The following SMG6 variants were observed in gnomAD, a reference collection of about 807,000 sequenced individuals.
The protein encoded by SMG6 is SMG6 nonsense mediated mRNA decay factor.
SMG6 carries 66 observed loss-of-function variants against 142.2 expected under a neutral mutation model. The observed-to-expected ratio is 0.46, with a 90% CI of 0.38 to 0.57. The LOEUF (loss-of-function observed/expected upper bound fraction) is 0.57, where lower values mean the gene tolerates loss of function less well. SMG6 is among the 20% of genes least tolerant of loss of function. SMG6 has a pLI of 0.00. For synonymous variants in SMG6, 779 were observed against 702.4 expected, an observed-to-expected ratio of 1.11 and a Z score of -1.72; for missense variants, 1,793 against 1,832.0, an observed-to-expected ratio of 0.98 and a Z score of 0.39.
intron 10 of SMG6, among the ~76,000 whole-genome samples, chr17:2,212,922 C>T (rs907049220): frequency 6.6e-6 from 1 of 152,236 alleles, no homozygotes; most frequent in Non-Finnish European, 1.5e-5. Flanking sequence ...TTGGCGCTGC[C>T]TCACGAAGCC....
chr17:2,193,749 G>A (rs2072235521), intron 10 of SMG6, among the ~76,000 whole-genome samples: 2 of 152,206 alleles, frequency 1.3e-5, no homozygotes, highest in Admixed American at 6.5e-5. Flanking sequence ...ATATCATAAG[G>A]AAGATGGAAG....
intron 13 of SMG6, among the ~76,000 whole-genome samples, chr17:2,099,578 T>C (rs977699895): frequency 2.6e-5 from 4 of 152,014 alleles, no homozygotes; most frequent in Non-Finnish European, 4.4e-5. Context: ...TGGGCTGAGG[T>C]AGAAAGCCAT....
chr17:2,166,041 G>T (rs569229639), intron 13 of SMG6, among the ~76,000 whole-genome samples: 1 of 152,016 alleles, frequency 6.6e-6, no homozygotes, highest in African/African-American at 2.4e-5. Flanking sequence ...GCAAAACCCC[G>T]TCTCTACTAA....
chr17:2,163,920 G>A (rs1265094891), intron 13 of SMG6, among the ~76,000 whole-genome samples: 2 of 151,800 alleles, frequency 1.3e-5, no homozygotes, highest in Non-Finnish European at 1.5e-5. Context: ...AAAATTAGCC[G>A]GTGTGGTGGC....
intron 13 of SMG6, among the ~76,000 whole-genome samples, chr17:2,162,462 C>T (rs549933917): frequency 1.3e-5 from 2 of 148,422 alleles, no homozygotes; most frequent in South Asian, 4.3e-4. Context: ...TGCAATAAGC[C>T]CAGATTGCAC....
At chr17:2,082,581 C>A (rs1471641504) in intron 14 of SMG6, among the ~76,000 whole-genome samples, 3 of 152,208 alleles carry the variant, frequency 2.0e-5, no homozygotes. Context: ...CCTCAATGGC[C>A]TGGGCAGGGT....
intron 13 of SMG6, chr17:2,087,475 T>C: frequency 9.2e-7 from 1 of 1,084,850 alleles, no homozygotes; most frequent in Non-Finnish European, 1.1e-6. Context: ...CCATTGGCCC[T>C]GTTACCATTA....
At position 2,300,521 on chromosome 17, in the gene SMG6, T is replaced by C. The variant is rs771172746; in HGVS notation, c.232A>G (p.Ile78Val). Residue 78 changes from isoleucine (I) to valine (V), a missense_variant, in exon 2 of 19, where the codon ATT becomes GTT. By Grantham distance (29) the Ile-to-Val change is conservative. Transcript: ENST00000263073. ...GCAGAGCAATCTCGGTCATTAACAA[T>C]TTCATCTTTGAATTCCTCACTCCCA... ...PPGSEEFKDE[I>V]VNDRDCSAVE... 2 of 1,614,142 alleles carry C rather than the reference T, an allele frequency of 1.2e-6. No individual in the cohort carries two copies. Among genetic ancestry groups the C allele is most frequent in the South Asian group, 1.1e-5 (1 of 91,082 alleles).
intron 10 of SMG6, among the ~76,000 whole-genome samples, chr17:2,188,920 A>G (rs1241086731): frequency 6.6e-6 from 1 of 152,162 alleles, no homozygotes; most frequent in Non-Finnish European, 1.5e-5. Context: ...AGATTGGAAA[A>G]ATACACATTT....
chr17:2,261,413 GCT>G (rs1173627743), intron 8 of SMG6, among the ~76,000 whole-genome samples: 1 of 152,116 alleles, frequency 6.6e-6, no homozygotes, highest in African/African-American at 2.4e-5. Flanking sequence ...CACCTGTATG[GCT>G]CTGTTATGTG....
chr17:2,118,721 G>C (rs2069586566), intron 13 of SMG6, among the ~76,000 whole-genome samples: 1 of 151,002 alleles, frequency 6.6e-6, no homozygotes, highest in Admixed American at 6.6e-5. Flanking sequence ...CAAGTAGCTG[G>C]GACCACAGGT....
intron 13 of SMG6, among the ~76,000 whole-genome samples, chr17:2,093,343 A>C (rs910273001): frequency 1.3e-5 from 2 of 152,114 alleles, no homozygotes; most frequent in South Asian, 4.1e-4. Context: ...GGATTGCTTG[A>C]GCCGGGGAAG....
At chr17:2,099,040 GTGTGTGTGTT>G (rs1239528727) in intron 13 of SMG6, among the ~76,000 whole-genome samples, 8 of 152,128 alleles carry the variant, frequency 5.3e-5, no homozygotes, top group Admixed American at 2.6e-4. Flanking sequence ...GGAGGCACTA[GTGTGTGTGTT>G]TGTGTGTGTG....
chr17:2,186,710 G>A lies in SMG6; in HGVS notation c.3108C>T (p.Tyr1036=), dbSNP rs1278069098. The A allele has an allele frequency of 6.2e-7, 1 of 1,614,234 alleles. No homozygotes were observed. Among genetic ancestry groups the A allele is most frequent in the South Asian group, 1.1e-5 (1 of 91,088 alleles). ...TGGGAGGAGGATTCCAGGTGTCCGGGTAGCCGAGCATCCAATCTGACCAGA... is the reference window on the plus strand; with the variant it reads ...TGGGAGGAGGATTCCAGGTGTCCGGATAGCCGAGCATCCAATCTGACCAGA... ...VKVWSDWMLG[Y]PDTWNPPPTS... The change falls in exon 12 of 19, where the codon TAC becomes TAT. Residue 1036 remains tyrosine (Y), a synonymous_variant. Transcript: ENST00000263073.
In SMG6 at chr17:2,236,584, A is replaced by G. The variant is rs780892730; in HGVS notation, c.2777T>C (p.Leu926Ser). 1.2e-6 allele frequency: 2 copies of G among 1,613,754 alleles called. No homozygotes were observed. The highest frequency in any genetic ancestry group is 1.7e-6 in the Non-Finnish European group (2 of 1,179,868). Reference sequence around the variant, plus strand: ...AATGGGAGAGGGGCTGTGCTGCAGTAACACCTGGAACTCCTTGAGGACCTT... The same window carrying G: ...AATGGGAGAGGGGCTGTGCTGCAGTGACACCTGGAACTCCTTGAGGACCTT... ...AEKVLKEFQV[L>S]LQHSPSPIGS... Residue 926 changes from leucine (L) to serine (S), a missense_variant, in exon 10 of 19, where the codon TTA (leucine) becomes TCA (serine). Physicochemically the swap from Leu to Ser is moderately radical, Grantham distance 145. This residue lies in a region of SMG6 where 1,597 missense variants were observed against 1,584.6 expected (regional missense o/e 1.01). Coordinates refer to ENST00000263073, the MANE Select transcript of SMG6 (RefSeq NM_017575.5).
At chr17:2,116,331 G>A (rs371058226) in intron 13 of SMG6, among the ~76,000 whole-genome samples, 25 of 152,082 alleles carry the variant, frequency 1.6e-4, no homozygotes, top group South Asian at 1.0e-3. Context: ...CTCCCGCCTC[G>A]GCCTTCCAAA....
chr17:2,144,533 C>A (rs927101235), intron 13 of SMG6, among the ~76,000 whole-genome samples: 1 of 150,970 alleles, frequency 6.6e-6, no homozygotes, highest in Admixed American at 6.6e-5. Flanking sequence ...TACAAGGTAG[C>A]TTTTTTGGGA....
At position 2,303,663 on chromosome 17, in the gene SMG6, C is replaced by T. The variant is rs1198318780; in HGVS notation, c.58G>A (p.Ala20Thr). ...ISASELRGIL[A>T]TLAPQAGSRE... The stretch of plus-strand genomic sequence containing the variant: ...CTCCCGGCCTGCGGGGCCAGAGTAG[C>T]CAGGATCCCGCGCAGCTCCGACGCG... The change falls in exon 1 of 19, where the codon GCT becomes ACT. Residue 20 changes from alanine to threonine, a missense_variant. By Grantham distance (58) the Ala-to-Thr change is moderately conservative. Around this residue, in one of 3 missense-constraint regions of SMG6, gnomAD observed 1,597 missense variants for 1,584.6 expected, o/e 1.01. Transcript: ENST00000263073. 6.7e-7 allele frequency: 1 copy of T among 1,493,092 alleles called. No homozygotes were observed. Among genetic ancestry groups the T allele is most frequent in the Non-Finnish European group, 8.9e-7 (1 of 1,128,034 alleles). The allele number at this position is 1,493,092 out of a possible 1,614,324, so 92.5% of individuals were successfully genotyped here.
chr17:2,121,627 G>C (rs1468834271), intron 13 of SMG6, among the ~76,000 whole-genome samples: 29 of 91,122 alleles, frequency 3.2e-4, no homozygotes, highest in African/African-American at 1.0e-3. Flanking sequence ...GTGTGTGTGT[G>C]TGTGTGTGTG....
Sources: gnomAD v4.1 joint callset for allele counts (sites outside exome capture counted in the v4.1 genomes callset) on GRCh38, gnomAD v4.1.1 for gene constraint, gnomAD v4.1.1 regional missense constraint, MANE v1.5 for transcripts, NCBI Gene and HGNC (gene_info 2026-07-23, HGNC 2026-07-21) for gene names.